NT5C3A: variants seen among roughly 807,000 people sequenced by gnomAD.
NT5C3A encodes the protein 5'-nucleotidase, cytosolic IIIA.
Under a neutral mutation model 40.0 loss-of-function variants are expected in NT5C3A, and 23 were observed. The observed-to-expected ratio is 0.58, with a 90% CI of 0.41 to 0.81. The LOEUF is 0.81. NT5C3A is among the 40% of genes least tolerant of loss of function. The pLI is 0.00. For missense variants in NT5C3A, 328 were observed against 403.0 expected (o/e 0.81, Z 1.59); for synonymous variants, 130 against 141.4 (o/e 0.92, Z 0.57).
chr7:33,042,066 G>T (rs1786942160), intron 1 of NT5C3A, among the ~76,000 whole-genome samples: 1 of 152,162 alleles, frequency 6.6e-6, no homozygotes, highest in African/African-American at 2.4e-5. Flanking sequence ...GCTGGGTGTG[G>T]TGGCTCATGC....
chr7:33,025,004 T>C lies in NT5C3A; in HGVS notation c.238-896A>G, dbSNP rs183993256. Among the ~76,000 whole-genome samples the C allele has an allele frequency of 2.0e-3, 306 of 152,078 alleles. 2 individuals carry two copies. Among genetic ancestry groups the C allele is most frequent in the Middle Eastern group, 3.4e-3 (1 of 294 alleles). ...AAAATACAAAAATAGCCAGGTGTGG[T>C]GGCATGTGCCTGTAATCCCAGCTAC... On this transcript the variant is annotated intron_variant, in intron 2 of 8. Transcript: ENST00000610140.
At chr7:33,029,598 A>AT in intron 1 of NT5C3A, 1 of 1,184,430 alleles carries the variant, frequency 8.4e-7, no homozygotes, top group Non-Finnish European at 1.1e-6. Context: ...AAAATTAAAT[A>AT]TTTGATTTCA....
At chr7:33,058,524 T>C (rs538378874) in intron 1 of NT5C3A, among the ~76,000 whole-genome samples, 4 of 152,250 alleles carry the variant, frequency 2.6e-5, no homozygotes, top group Admixed American at 2.0e-4. Flanking sequence ...TTTGTTTTTT[T>C]ATTTTTAGTA....
At chr7:33,023,312 G>A (rs964897569) in intron 3 of NT5C3A, among the ~76,000 whole-genome samples, 7 of 151,824 alleles carry the variant, frequency 4.6e-5, no homozygotes, top group East Asian at 1.9e-4. Flanking sequence ...AGGCTGGAGC[G>A]CAGTTGTGCA....
intron 1 of NT5C3A, among the ~76,000 whole-genome samples, chr7:33,044,526 G>C (rs899449513): frequency 1.2e-4 from 19 of 152,138 alleles, no homozygotes; most frequent in Admixed American, 3.3e-4. Flanking sequence ...TTTACTCATT[G>C]ACATAGAAAC....
At chr7:33,036,446 C>G in intron 1 of NT5C3A, 1 of 176,050 alleles carries the variant, frequency 5.7e-6, no homozygotes, top group Non-Finnish European at 1.2e-5. Flanking sequence ...CTATATTTGA[C>G]ACATAAAGCA....
intron 1 of NT5C3A, among the ~76,000 whole-genome samples, chr7:33,057,352 A>G (rs1243950255): frequency 6.6e-6 from 1 of 152,006 alleles, no homozygotes; most frequent in African/African-American, 2.4e-5. Flanking sequence ...CAAAACCCCC[A>G]TCTCTACAAA....
At chr7:33,039,618 A>G (rs1368304314) in intron 1 of NT5C3A, among the ~76,000 whole-genome samples, 1 of 148,264 alleles carries the variant, frequency 6.7e-6, no homozygotes, top group Non-Finnish European at 1.5e-5. Context: ...GCAAAATCAA[A>G]CTGTAACTTC....
At chr7:33,016,211 C>T (rs184610875) in intron 7 of NT5C3A, among the ~76,000 whole-genome samples, 4 of 151,474 alleles carry the variant, frequency 2.6e-5, no homozygotes, top group Admixed American at 2.6e-4. Context: ...CCCCGCCTCA[C>T]TAAAATATAA....
At chr7:33,038,861 G>A (rs1272613093) in intron 1 of NT5C3A, 1 of 456,460 alleles carries the variant, frequency 2.2e-6, no homozygotes, top group Non-Finnish European at 4.4e-6. Context: ...GAGAAGAGTT[G>A]CTGGAAAAAA....
chr7:33,037,823 C>A (rs1235881814), intron 1 of NT5C3A, among the ~76,000 whole-genome samples: 2 of 152,016 alleles, frequency 1.3e-5, no homozygotes, highest in Non-Finnish European at 2.9e-5. Flanking sequence ...CTTTGTACAG[C>A]TATATATATA....
In NT5C3A at chr7:33,056,580, G is replaced by A. The variant is rs894146721; in HGVS notation, c.138+5988C>T. Among the ~76,000 whole-genome samples the A allele has an allele frequency of 2.0e-5, 3 of 151,216 alleles. No individual in the cohort carries two copies. In the East Asian group the frequency reaches 5.8e-4, roughly 29 times the overall value. On this transcript the variant is annotated intron_variant, in intron 1 of 8. Coordinates refer to ENST00000610140, the MANE Select transcript of NT5C3A (RefSeq NM_001002010.5). Reference sequence around the variant, plus strand: ...CCAGCTACTTGGGAGGCTGAAGTGGGAGGACTGCTTGAGCCCACGAGTTTG... The same window carrying A: ...CCAGCTACTTGGGAGGCTGAAGTGGAAGGACTGCTTGAGCCCACGAGTTTG...
At chr7:33,026,716 A>C (rs1785961530) in intron 2 of NT5C3A, 101 bp downstream of exon 2, 1 of 808,852 alleles carries the variant, frequency 1.2e-6, no homozygotes, top group Non-Finnish European at 2.1e-6. Flanking sequence ...CTGGTCTCGA[A>C]CTCCTGGGCT....
intron 5 of NT5C3A, among the ~76,000 whole-genome samples, chr7:33,020,191 T>C (rs915769880): frequency 6.6e-6 from 1 of 152,138 alleles, no homozygotes; most frequent in Non-Finnish European, 1.5e-5. Flanking sequence ...GCCTGCTTTA[T>C]GTAGAAAACA....
intron 1 of NT5C3A, chr7:33,029,519 G>T: frequency 1.9e-6 from 1 of 520,034 alleles, no homozygotes; most frequent in Non-Finnish European, 3.4e-6. Flanking sequence ...GCATATGTTT[G>T]ATTCAATAAC....
intron 1 of NT5C3A, among the ~76,000 whole-genome samples, chr7:33,028,123 AG>A (rs1786048605): frequency 6.6e-6 from 1 of 152,252 alleles, no homozygotes; most frequent in African/African-American, 2.4e-5. Flanking sequence ...ATTTTACAAT[AG>A]ATTTATTTCA....
chr7:33,036,803 TTTTTTATTTTTTA>T (rs1365834229), intron 1 of NT5C3A, among the ~76,000 whole-genome samples: 13 of 151,928 alleles, frequency 8.6e-5, no homozygotes, highest in Non-Finnish European at 1.9e-4. Flanking sequence ...TTATTTTTAT[TTTTTTATTTTTTA>T]TTTTTATTTT....
chr7:33,015,619 A>G, intron 8 of NT5C3A, 51 bp downstream of exon 8: 1 of 1,205,870 alleles, frequency 8.3e-7, no homozygotes, highest in Non-Finnish European at 1.2e-6. Context: ...TTGCCTATCA[A>G]GTTTCATCCT....
chr7:33,017,936 T>A (rs1785427074), intron 6 of NT5C3A, among the ~76,000 whole-genome samples: 1 of 152,212 alleles, frequency 6.6e-6, no homozygotes, highest in South Asian at 2.1e-4. Flanking sequence ...TCCCAGCTAT[T>A]TGGGAGGCTG....
Sources: allele counts gnomAD v4.1 joint callset (sites outside exome capture counted in the v4.1 genomes callset), GRCh38; gene constraint gnomAD v4.1.1; transcripts MANE v1.5; gene names NCBI Gene and HGNC (gene_info 2026-07-23, HGNC 2026-07-21).